Variants in IKBKB observed in about 807,000 individuals in gnomAD.
The protein encoded by IKBKB is inhibitor of nuclear factor kappa-B kinase subunit beta.
A neutral mutation model predicts 113.6 loss-of-function variants in IKBKB; 42 were observed. The ratio of observed to expected loss-of-function variants is 0.37; its 90% CI spans 0.29 to 0.48. The LOEUF (loss-of-function observed/expected upper bound fraction) is 0.48. Ranked by LOEUF, IKBKB falls within the 20% of genes least tolerant of loss-of-function variation. The pLI, the probability that IKBKB is intolerant of heterozygous loss-of-function variation, is 0.99. For missense variants in IKBKB, 673 were observed against 939.7 expected (o/e 0.72, Z 3.71); for synonymous variants, 296 against 361.3 (o/e 0.82, Z 2.05).
intron 2 of IKBKB, among the ~76,000 whole-genome samples, chr8:42,276,204 C>T (rs944484537): frequency 2.0e-5 from 3 of 152,174 alleles, no homozygotes; most frequent in African/African-American, 7.2e-5. Context: ...ATTTACATTC[C>T]CACCAATAGT....
chr8:42,295,496 G>A (rs1813585017), intron 5 of IKBKB, among the ~76,000 whole-genome samples: 2 of 152,210 alleles, frequency 1.3e-5, no homozygotes, highest in Non-Finnish European at 2.9e-5. Flanking sequence ...GGGGGCTGAT[G>A]CGGGTGGATC....
chr8:42,314,269 G>A (rs548061507), intron 8 of IKBKB, 53 bp from the exon 9 acceptor site: 1 of 1,228,464 alleles, frequency 8.1e-7, no homozygotes, highest in Admixed American at 1.7e-5. Flanking sequence ...TTCTTAGAAT[G>A]TGTCCCCGTC....
intron 5 of IKBKB, chr8:42,298,414 C>T (rs745311890): frequency 2.9e-4 from 289 of 985,278 alleles, no homozygotes; most frequent in Non-Finnish European, 3.3e-4. Flanking sequence ...AGGACTTCAG[C>T]GTTAAAGAAC....
intron 8 of IKBKB, 120 bp downstream of exon 8, chr8:42,309,145 G>T: frequency 8.6e-7 from 1 of 1,161,906 alleles, no homozygotes; most frequent in Non-Finnish European, 1.2e-6. Context: ...TTTCTCTTCC[G>T]AGAGGAAGGC....
chr8:42,303,460 C>T (rs542483415), intron 5 of IKBKB, among the ~76,000 whole-genome samples: 1 of 152,004 alleles, frequency 6.6e-6, no homozygotes, highest in Non-Finnish European at 1.5e-5. Context: ...ATCTCTTCTT[C>T]TGTGCTTTCT....
chr8:42,323,176 G>A (rs931364756), intron 19 of IKBKB, among the ~76,000 whole-genome samples: 1 of 152,240 alleles, frequency 6.6e-6, no homozygotes, highest in Non-Finnish European at 1.5e-5. Context: ...CCAGGGTGAT[G>A]TCATCTCAGG....
Position 42,331,788 on chromosome 8 carries a change from T to A in IKBKB, c.*809T>A. Reference sequence around the variant, plus strand: ...GAGGAGGGACAGAAAGGGTATCTGCTGACCACCAGCCTGCCTACCCATGCC... The same window carrying A: ...GAGGAGGGACAGAAAGGGTATCTGCAGACCACCAGCCTGCCTACCCATGCC... On this transcript the variant is annotated 3_prime_UTR_variant, in exon 22 of 22. Coordinates refer to ENST00000520810, the MANE Select transcript of IKBKB (RefSeq NM_001556.3). 3.4e-6 allele frequency: 1 copy of A among 297,380 alleles called. No homozygotes were observed. The highest frequency in any genetic ancestry group is 6.5e-6 in the Non-Finnish European group (1 of 154,416). 18.4% of individuals were successfully genotyped at this position (297,380 alleles called of 1,614,324 possible).
At position 42,316,905 on chromosome 8, in the gene IKBKB, G is replaced by A; in HGVS notation, c.1125+1G>A. 1 of 1,613,798 alleles carries A rather than the reference G, an allele frequency of 6.2e-7. No homozygotes were observed. The highest frequency in any genetic ancestry group is 8.5e-7 in the Non-Finnish European group (1 of 1,179,912). ...CACTCAGTGTATTTCAGACGGCAAG[G>A]TGAGCCCTGGCTTCGTACACACCAT... is the stretch of plus-strand genomic sequence containing the variant. On this transcript the variant is annotated splice_donor_variant, in intron 11 of 21. Transcript: ENST00000520810. LOFTEE classifies it high-confidence loss of function. This position sits in a 1 kb window ranked among gnomAD's most constrained non-coding sequence, Gnocchi z 4.5.
At chr8:42,321,756 C>T (rs1028394073) in intron 16 of IKBKB, 140 bp from the exon 17 acceptor site, 13 of 623,814 alleles carry the variant, frequency 2.1e-5, no homozygotes, top group Admixed American at 1.5e-4. Context: ...CTTGGGATGC[C>T]AAGGCAAGAA....
At chr8:42,275,275 C>A (rs1465325960) in intron 2 of IKBKB, among the ~76,000 whole-genome samples, 1 of 151,734 alleles carries the variant, frequency 6.6e-6, no homozygotes, top group African/African-American at 2.4e-5. Context: ...GTAGCCTTGA[C>A]CTCCTGGGCT....
rs555151179 is a variant in IKBKB, at chr8:42,296,428, G to A, written c.388+2916G>A. On this transcript the variant is annotated intron_variant, in intron 5 of 21. Coordinates refer to ENST00000520810, the MANE Select transcript of IKBKB (RefSeq NM_001556.3). ...GGGCAGATCACGAGGTCCGGAGTTC[G>A]AGGCCAGCCTGGCCAACATGGTGAA... is the stretch of plus-strand genomic sequence containing the variant. 7.2e-5 allele frequency among the ~76,000 whole-genome samples: 11 copies of A among 152,306 alleles called. No individual in the cohort carries two copies. The South Asian group carries it at 1.7e-3, about 23-fold the overall frequency.
chr8:42,325,825 G>A (rs563200948), intron 19 of IKBKB, 145 bp from the exon 20 acceptor site: 1,073 of 1,486,106 alleles, frequency 7.2e-4, no homozygotes, highest in Admixed American at 1.1e-3. Context: ...CAGTTGACCC[G>A]CAGGTGGGGG....
chr8:42,313,530 A>T (rs1318900287), intron 8 of IKBKB, among the ~76,000 whole-genome samples: 1 of 152,198 alleles, frequency 6.6e-6, no homozygotes, highest in Admixed American at 6.5e-5. Context: ...CTTAGTATTT[A>T]GCTGTGTACA....
At chr8:42,320,378 A>T (rs1374348229) in intron 15 of IKBKB, 1 of 227,238 alleles carries the variant, frequency 4.4e-6, no homozygotes, top group Non-Finnish European at 8.8e-6. Context: ...GGATAGACAG[A>T]TGAAGAGAAG....
chr8:42,320,898 A>G (rs1457984872), intron 16 of IKBKB, 54 bp downstream of exon 16: 1 of 1,186,418 alleles, frequency 8.4e-7, no homozygotes, highest in African/African-American at 1.6e-5. Context: ...ACAGCCCTGG[A>G]GCTTCGGTGT....
chr8:42,271,423 TCCCCGCCCCGGGGA>T lies in IKBKB; in HGVS notation c.-64_-51del, dbSNP rs1807679887. The T allele has an allele frequency of 6.7e-7, 1 of 1,488,672 alleles. No individual in the cohort carries two copies. The highest frequency in any genetic ancestry group is 1.2e-5 in the South Asian group (1 of 82,466). The allele number at this position is 1,488,672 out of a possible 1,614,324, so 92.2% of individuals were successfully genotyped here. ...GGGTTTGGCCGCCCCAGCCCCGCCT[TCCCCGCCCCGGGGA>T]GCCCGCCCCCTGCCCCGCGTCCCTG... On this transcript the variant is annotated 5_prime_UTR_variant, in exon 1 of 22. The change abolishes the stop of an existing upstream ORF in the 5' untranslated region. Coordinates refer to ENST00000520810, the MANE Select transcript of IKBKB (RefSeq NM_001556.3).
intron 6 of IKBKB, 69 bp downstream of exon 6, chr8:42,305,344 GCA>G (rs1816300973): frequency 1.1e-6 from 1 of 876,034 alleles, no homozygotes; most frequent in Non-Finnish European, 1.9e-6. Context: ...GAGGAAAGGA[GCA>G]CACTCTGCAT....
At chr8:42,318,473 T>G in intron 12 of IKBKB, 79 bp from the exon 13 acceptor site, 1 of 1,506,346 alleles carries the variant, frequency 6.6e-7, no homozygotes, top group Non-Finnish European at 9.1e-7. Context: ...GTGCCAGTAG[T>G]GTCGAAGGCA....
intron 4 of IKBKB, 100 bp from the exon 5 acceptor site, chr8:42,293,343 A>G (rs1813046427): frequency 1.4e-6 from 2 of 1,465,414 alleles, no homozygotes; most frequent in Non-Finnish European, 1.9e-6. Context: ...ACCAGGGCCC[A>G]GGGTCAGCAC....
Sources: gnomAD v4.1 joint callset for allele counts (sites outside exome capture counted in the v4.1 genomes callset) on GRCh38, gnomAD v4.1.1 for gene constraint, Gnocchi (gnomAD v3.1) non-coding constraint, MANE v1.5 for transcripts, NCBI Gene and HGNC (gene_info 2026-07-23, HGNC 2026-07-21) for gene names.